Variants in STXBP4 observed in about 807,000 individuals in gnomAD.
STXBP4 encodes syntaxin-binding protein 4.
STXBP4 carries 55 observed loss-of-function variants against 76.1 expected under a neutral mutation model. The ratio of observed to expected loss-of-function variants is 0.72; its 90% CI spans 0.58 to 0.91. The LOEUF (loss-of-function observed/expected upper bound fraction) is 0.91, where lower values mean the gene tolerates loss of function less well. Ranked by LOEUF, STXBP4 falls within the 40% of genes least tolerant of loss-of-function variation. STXBP4 has a pLI of 0.00. For missense variants in STXBP4, 618 were observed against 636.9 expected, an observed-to-expected ratio of 0.97 and a Z score of 0.32; for synonymous variants, 201 against 220.2, an observed-to-expected ratio of 0.91 and a Z score of 0.77.
intron 4 of STXBP4, among the ~76,000 whole-genome samples, chr17:54,999,032 GC>G (rs1189170581): frequency 1.3e-5 from 2 of 151,922 alleles, no homozygotes; most frequent in Non-Finnish European, 2.9e-5. Context: ...AGCTTTATCA[GC>G]CCCATAGTGC....
the STXBP4 span, among the ~76,000 whole-genome samples, chr17:55,204,464 C>A: frequency 1.3e-5 from 2 of 151,672 alleles, no homozygotes; most frequent in Non-Finnish European, 2.9e-5. Flanking sequence ...TTTTTGCCTG[C>A]CAGGTTTTAA....
At position 55,169,557 on chromosome 17, in the gene STXBP4, CATCCAAATACTAAAGACGCTTAG is replaced by C. The variant is rs776290077; in HGVS notation, c.*9649_*9671del. The C allele has an allele frequency of 2.0e-5, 3 of 152,166 alleles. No homozygotes were observed. The highest frequency in any genetic ancestry group is 2.9e-5 in the Non-Finnish European group (2 of 68,038). 9.4% of individuals were successfully genotyped at this position (152,166 alleles called of 1,614,324 possible). A position where few individuals can be genotyped will look rare whatever the true frequency, so the allele number is the denominator to read the frequency against. ...GAAAGTGCTAGCAGTGCCTATTATA[CATCCAAATACTAAAGACGCTTAG>C]ATGTGAAAAATGTGTGTCTTAGAAT... On this transcript the variant is annotated 3_prime_UTR_variant, in exon 18 of 18. Coordinates refer to ENST00000376352, the MANE Select transcript of STXBP4 (RefSeq NM_178509.6).
At chr17:55,213,113 G>A in the STXBP4 span, among the ~76,000 whole-genome samples, 4 of 152,186 alleles carry the variant, frequency 2.6e-5, no homozygotes, top group Admixed American at 2.0e-4. Context: ...CCAGCAGAGA[G>A]TAGATGCGGT....
chr17:55,169,387 A>T lies in STXBP4; in HGVS notation c.*9476A>T, dbSNP rs1475531339. 6.6e-6 allele frequency: 1 copy of T among 151,982 alleles called. No individual in the cohort carries two copies. 9.4% of individuals were successfully genotyped at this position (151,982 alleles called of 1,614,324 possible). On this transcript the variant is annotated 3_prime_UTR_variant, in exon 18 of 18. Transcript: ENST00000376352. ...TGGGGGTGGGGGTGGGGGTGGGTGT[A>T]AATTTCCAGGTGCTTCCAGCCTGCA... is the stretch of plus-strand genomic sequence containing the variant.
At chr17:55,191,558 G>A in the STXBP4 span, among the ~76,000 whole-genome samples, 77 of 152,168 alleles carry the variant, frequency 5.1e-4, no homozygotes, top group Non-Finnish European at 1.0e-3. Context: ...GGACATAGAC[G>A]TCTTCTGTTA....
chr17:55,066,436 C>A (rs2079052506), intron 12 of STXBP4, among the ~76,000 whole-genome samples: 1 of 152,092 alleles, frequency 6.6e-6, no homozygotes, highest in African/African-American at 2.4e-5. Context: ...ATTAGCTATG[C>A]TGATCTCAAA....
At chr17:55,212,728 T>G in the STXBP4 span, among the ~76,000 whole-genome samples, 1 of 152,214 alleles carries the variant, frequency 6.6e-6, no homozygotes, top group African/African-American at 2.4e-5. Context: ...AAGTGAGAGA[T>G]ACTTCACCTT....
chr17:54,977,792 C>A (rs1250110352), intron 1 of STXBP4, among the ~76,000 whole-genome samples: 1 of 152,182 alleles, frequency 6.6e-6, no homozygotes, highest in Non-Finnish European at 1.5e-5. Context: ...TTTCTAAATG[C>A]TGTCATTTTT....
intron 8 of STXBP4, among the ~76,000 whole-genome samples, chr17:55,022,727 G>C (rs2078336605): frequency 6.6e-6 from 1 of 152,018 alleles, no homozygotes; most frequent in Admixed American, 6.6e-5. Flanking sequence ...TGAGATATAA[G>C]GGAACAATTA....
intron 7 of STXBP4, among the ~76,000 whole-genome samples, chr17:55,001,922 G>A (rs953619514): frequency 4.8e-4 from 73 of 152,290 alleles, no homozygotes; most frequent in Middle Eastern, 3.4e-3. Flanking sequence ...GTGAGCCACC[G>A]CTCGTGCCTG....
chr17:55,096,330 G>C (rs1030076203), intron 16 of STXBP4, among the ~76,000 whole-genome samples: 2 of 151,922 alleles, frequency 1.3e-5, no homozygotes, highest in African/African-American at 4.8e-5. Context: ...TAATTTTTTG[G>C]TATTTTTTGT....
chr17:55,197,102 A>G, the STXBP4 span, among the ~76,000 whole-genome samples: 5 of 152,356 alleles, frequency 3.3e-5, no homozygotes, highest in South Asian at 8.3e-4. Context: ...CTACTGACAC[A>G]TTAAAACAAT....
chr17:55,113,329 T>C (rs901659168), intron 16 of STXBP4, among the ~76,000 whole-genome samples: 8 of 151,788 alleles, frequency 5.3e-5, no homozygotes, highest in African/African-American at 1.9e-4. Flanking sequence ...CACCATGTAT[T>C]TGTATACCAA....
the STXBP4 span, among the ~76,000 whole-genome samples, chr17:55,183,198 A>G: frequency 6.6e-6 from 1 of 152,240 alleles, no homozygotes; most frequent in Non-Finnish European, 1.5e-5. Context: ...AAGCAGCATT[A>G]GCCTTTAATG....
At chr17:55,109,655 G>C (rs1555583799) in intron 16 of STXBP4, among the ~76,000 whole-genome samples, 1 of 121,536 alleles carries the variant, frequency 8.2e-6, no homozygotes, top group East Asian at 2.4e-4. Flanking sequence ...TTTATATGGA[G>C]TTTCACTCTT....
chr17:55,120,420 G>A (rs1271202031), intron 16 of STXBP4, among the ~76,000 whole-genome samples: 2 of 152,164 alleles, frequency 1.3e-5, no homozygotes, highest in African/African-American at 4.8e-5. Flanking sequence ...TGTTGCTTAG[G>A]AGGCAGCTTC....
At chr17:54,976,600 T>C (rs895206377) in intron 1 of STXBP4, among the ~76,000 whole-genome samples, 18 of 152,114 alleles carry the variant, frequency 1.2e-4, no homozygotes, top group African/African-American at 4.1e-4. Flanking sequence ...CCATGGCCTG[T>C]TAGGAACCCG....
intron 17 of STXBP4, among the ~76,000 whole-genome samples, chr17:55,153,513 T>G (rs2080238517): frequency 6.6e-6 from 1 of 152,136 alleles, no homozygotes; most frequent in South Asian, 2.1e-4. Context: ...GTGTAGTCAT[T>G]TTAACTCTGA....
intron 8 of STXBP4, among the ~76,000 whole-genome samples, chr17:55,024,238 C>T (rs777118366): frequency 4.6e-5 from 7 of 152,196 alleles, no homozygotes; most frequent in Non-Finnish European, 1.0e-4. Context: ...TGAACCTGCT[C>T]ACATCGTTTA....
Sources: allele counts gnomAD v4.1 joint callset (sites outside exome capture counted in the v4.1 genomes callset), GRCh38; gene constraint gnomAD v4.1.1; transcripts MANE v1.5; gene names NCBI Gene and HGNC (gene_info 2026-07-23, HGNC 2026-07-21).